RP1: variants seen among roughly 807,000 people sequenced by gnomAD.
RP1 encodes RP1 axonemal microtubule associated.
In RP1, 16 loss-of-function variants were observed where a neutral mutation model predicts 14.8. That is an observed-to-expected ratio of 1.08 (90% CI 0.73 to 1.65). The LOEUF (loss-of-function observed/expected upper bound fraction) is 1.65, where lower values mean the gene tolerates loss of function less well. Ranked by LOEUF, RP1 falls within the 40% of genes most tolerant of loss-of-function variation. The pLI is 0.00. For missense variants in RP1, 2,631 were observed against 2,535.0 expected, an observed-to-expected ratio of 1.04 and a Z score of -0.81; for synonymous variants, 876 against 883.6, an observed-to-expected ratio of 0.99 and a Z score of 0.15.
In RP1 at chr8:54,630,042, C is replaced by T. The variant is rs1462235296; in HGVS notation, c.6160C>T (p.Leu2054Phe). The T allele has an allele frequency of 6.2e-7, 1 of 1,613,826 alleles. No individual in the cohort carries two copies. The highest frequency in any genetic ancestry group is 1.7e-5 in the Admixed American group (1 of 59,986). ...VGNVDSNTQD[L>F]SGQTNEIFKA... is the part of the protein sequence containing the mutation. ...TAATGTGGATTCAAATACACAAGAC[C>T]TCAGCGGTCAGACAAATGAAATCTT... Residue 2054 changes from leucine (L) to phenylalanine (F), a missense_variant, in exon 4 of 4, where the codon CTC becomes TTC. Transcript: ENST00000220676.
chr8:54,759,501 C>A (rs907720909), intron 22 of RP1, among the ~76,000 whole-genome samples: 1 of 152,258 alleles, frequency 6.6e-6, no homozygotes, highest in African/African-American at 2.4e-5. Flanking sequence ...ACATTAAATT[C>A]TAGGTAAGTT....
chr8:54,677,971 T>C (rs1432430586), intron 8 of RP1, among the ~76,000 whole-genome samples: 1 of 152,188 alleles, frequency 6.6e-6, no homozygotes. Flanking sequence ...CCTTCATGTG[T>C]ACCAGGTGAG....
intron 24 of RP1, among the ~76,000 whole-genome samples, chr8:54,825,916 AAAT>A (rs1413013895): frequency 7.0e-6 from 1 of 142,714 alleles, no homozygotes; most frequent in Admixed American, 7.0e-5. Flanking sequence ...CAAAAAAAAA[AAAT>A]CAGCCTGGTG....
At chr8:54,799,874 T>C (rs905107823) in intron 24 of RP1, among the ~76,000 whole-genome samples, 17 of 152,044 alleles carry the variant, frequency 1.1e-4, no homozygotes, top group Non-Finnish European at 2.2e-4. Flanking sequence ...AATAGTTATA[T>C]TTTAGAGAAT....
intron 24 of RP1, among the ~76,000 whole-genome samples, chr8:54,786,007 G>A (rs748325957): frequency 9.2e-5 from 14 of 152,014 alleles, no homozygotes; most frequent in South Asian, 2.1e-4. Flanking sequence ...TAACAAATAT[G>A]TTTATTCAAC....
chr8:54,844,534 A>G (rs772086978), intron 25 of RP1, among the ~76,000 whole-genome samples: 2 of 151,744 alleles, frequency 1.3e-5, no homozygotes, highest in Non-Finnish European at 2.9e-5. Context: ...GTGCGTGTGT[A>G]GACAAGCTTG....
chr8:54,567,988 A>G (rs1387127296), intron 1 of RP1, among the ~76,000 whole-genome samples: 3 of 152,236 alleles, frequency 2.0e-5, no homozygotes, highest in African/African-American at 7.2e-5. Context: ...TGTGAAATAT[A>G]TAGTCCAGGG....
At chr8:54,789,014 T>C (rs538162977) in intron 24 of RP1, among the ~76,000 whole-genome samples, 3 of 152,284 alleles carry the variant, frequency 2.0e-5, no homozygotes, top group African/African-American at 7.2e-5. Context: ...TAGATGGACA[T>C]CCAGCTTTTC....
intron 24 of RP1, among the ~76,000 whole-genome samples, chr8:54,818,625 T>A (rs1811188109): frequency 6.6e-6 from 1 of 152,200 alleles, no homozygotes; most frequent in African/African-American, 2.4e-5. Flanking sequence ...GCCTAAGGAA[T>A]GGCAGGAAGG....
chr8:54,790,759 G>T (rs960170359), intron 24 of RP1, among the ~76,000 whole-genome samples: 2 of 152,172 alleles, frequency 1.3e-5, no homozygotes, highest in African/African-American at 4.8e-5. Context: ...GAAAGAATCA[G>T]TGAATTTGAA....
intron 3 of RP1, among the ~76,000 whole-genome samples, chr8:54,642,133 T>C (rs139146893): frequency 1.3e-5 from 2 of 152,312 alleles, no homozygotes; most frequent in Admixed American, 1.3e-4. Context: ...GAAGAACAGT[T>C]TACATATGAT....
chr8:54,676,807 A>C (rs1434493878), intron 8 of RP1, among the ~76,000 whole-genome samples: 1 of 152,212 alleles, frequency 6.6e-6, no homozygotes, highest in Admixed American at 6.6e-5. Context: ...ATTACCTCTA[A>C]GAGTTTTCTT....
rs1335501800 is a variant in RP1, at chr8:54,630,307, TA to T, written c.6428del (p.Asn2143IlefsTer2). 3.1e-6 allele frequency: 5 copies of T among 1,613,656 alleles called. No homozygotes were observed. Among genetic ancestry groups the T allele is most frequent in the Admixed American group, 1.7e-5 (1 of 59,988 alleles). On this transcript the variant is annotated frameshift_variant, in exon 4 of 4. Coordinates refer to ENST00000220676, the MANE Select transcript of RP1 (RefSeq NM_006269.2). LOFTEE classifies it high-confidence loss of function. ...NLFIWEEEDILNLTDLESSRE... is the reference protein window; with the variant it reads ...NLFIWEEEDIXNLTDLESSRE... ...TTCATTTGGGAAGAGGAAGACATAT[TA>T]AATTTAACTGATCTTGAAAGCAGTA...
At chr8:54,782,806 G>A (rs1297206961) in intron 23 of RP1, among the ~76,000 whole-genome samples, 1 of 152,096 alleles carries the variant, frequency 6.6e-6, no homozygotes, top group Non-Finnish European at 1.5e-5. Context: ...ATCTTTTTAA[G>A]TTGTTTCCTG....
intron 15 of RP1, chr8:54,706,720 A>G: frequency 6.8e-7 from 1 of 1,478,604 alleles, no homozygotes; most frequent in Non-Finnish European, 9.1e-7. Flanking sequence ...AGACATGAGA[A>G]TAGCACTTTC....
At chr8:54,649,794 C>T (rs1310850533) in intron 4 of RP1, among the ~76,000 whole-genome samples, 2 of 152,154 alleles carry the variant, frequency 1.3e-5, no homozygotes, top group African/African-American at 4.8e-5. Flanking sequence ...AAAAGAGTCT[C>T]CTTAAGTATT....
At chr8:54,566,166 G>C (rs1586386656) in intron 1 of RP1, among the ~76,000 whole-genome samples, 1 of 152,162 alleles carries the variant, frequency 6.6e-6, no homozygotes, top group East Asian at 1.9e-4. Context: ...GAGGAGCTGA[G>C]GGTTGGACTT....
chr8:54,650,935 T>C (rs532603892), intron 4 of RP1, among the ~76,000 whole-genome samples: 1 of 152,044 alleles, frequency 6.6e-6, no homozygotes, highest in African/African-American at 2.4e-5. Flanking sequence ...CTTTATCATG[T>C]TCAGGAAGTT....
intron 1 of RP1, among the ~76,000 whole-genome samples, chr8:54,587,425 CAA>C (rs568598595): frequency 5.9e-4 from 56 of 94,926 alleles, no homozygotes; most frequent in South Asian, 1.1e-3. Context: ...GACCCTGTCT[CAA>C]AAAAAAAAAA....
Sources: gnomAD v4.1 joint callset for allele counts (sites outside exome capture counted in the v4.1 genomes callset) on GRCh38, gnomAD v4.1.1 for gene constraint, MANE v1.5 for transcripts, NCBI Gene and HGNC (gene_info 2026-07-23, HGNC 2026-07-21) for gene names.